IFT80: variants seen among roughly 807,000 people sequenced by gnomAD.
The protein encoded by IFT80 is intraflagellar transport 80.
In IFT80, 79 loss-of-function variants were observed where a neutral mutation model predicts 107.9. The observed-to-expected ratio is 0.73, with a 90% CI of 0.61 to 0.88. The LOEUF is 0.88. Ranked by LOEUF, IFT80 falls within the 40% of genes least tolerant of loss-of-function variation. IFT80 has a pLI of 0.00. For missense variants in IFT80, 797 were observed against 914.2 expected (o/e 0.87, Z 1.65); for synonymous variants, 299 against 300.9 (o/e 0.99, Z 0.07).
intron 13 of IFT80, among the ~76,000 whole-genome samples, chr3:160,285,464 G>T (rs1454487718): frequency 6.6e-6 from 1 of 152,124 alleles, no homozygotes; most frequent in Non-Finnish European, 1.5e-5. Context: ...AAAACTGCAA[G>T]ATACTTAGAA....
intron 12 of IFT80, among the ~76,000 whole-genome samples, chr3:160,294,737 C>CTG (rs1262423465): frequency 6.6e-6 from 1 of 152,188 alleles, no homozygotes; most frequent in East Asian, 1.9e-4. Context: ...ATATTTGTCA[C>CTG]AAACACTTGC....
At position 160,302,147 on chromosome 3, in the gene IFT80, T is replaced by C. The variant is rs575715336; in HGVS notation, c.1152-1101A>G. On this transcript the variant is annotated intron_variant, in intron 11 of 19. Coordinates refer to ENST00000326448, the MANE Select transcript of IFT80 (RefSeq NM_020800.3). ...GACATTATTACTTTTCAAAATCTTA[T>C]GTTTAATGTTTTAAATATCCTTGAT... 3.3e-5 allele frequency among the ~76,000 whole-genome samples: 5 copies of C among 152,168 alleles called. No homozygotes were observed. The East Asian group carries it at 5.8e-4, about 18-fold the overall frequency.
At chr3:160,358,795 CAT>C (rs1721287498) in intron 6 of IFT80, among the ~76,000 whole-genome samples, 2 of 152,128 alleles carry the variant, frequency 1.3e-5, no homozygotes, top group Admixed American at 1.3e-4. Context: ...TATTGTTAAA[CAT>C]ATAATAATTT....
chr3:160,351,572 C>T (rs1720702415), intron 8 of IFT80, among the ~76,000 whole-genome samples: 1 of 140,312 alleles, frequency 7.1e-6, no homozygotes, highest in African/African-American at 2.5e-5. Context: ...TATATATACA[C>T]ACATATATTA....
chr3:160,361,982 AAAACAC>A lies in IFT80; in HGVS notation c.549+4055_549+4060del, dbSNP rs566375696. 1.3e-3 allele frequency among the ~76,000 whole-genome samples: 199 copies of A among 152,172 alleles called. 1 individual carries two copies. Among genetic ancestry groups the A allele is most frequent in the African/African-American group, 4.6e-3 (191 of 41,550 alleles). Reference sequence around the variant, plus strand: ...ATTAAAAGAACTAGAGAAACAAGAGAAAACACATTCAAAAGCTAACAGAAGGCAAGA... The same window carrying A: ...ATTAAAAGAACTAGAGAAACAAGAGAATTCAAAAGCTAACAGAAGGCAAGA... On this transcript the variant is annotated intron_variant, in intron 6 of 19. Transcript: ENST00000326448.
At chr3:160,271,291 G>A (rs1355099999) in intron 18 of IFT80, among the ~76,000 whole-genome samples, 1 of 152,144 alleles carries the variant, frequency 6.6e-6, no homozygotes, top group Non-Finnish European at 1.5e-5. Flanking sequence ...CCAAACAAAT[G>A]TGACATTAGA....
intron 19 of IFT80, among the ~76,000 whole-genome samples, chr3:160,262,908 G>A (rs1320691150): frequency 6.6e-6 from 1 of 152,016 alleles, no homozygotes; most frequent in Non-Finnish European, 1.5e-5. Flanking sequence ...AATTCATATA[G>A]CTTCAACTAT....
rs1339121948 is a variant in IFT80 at position 160,375,891 on chromosome 3, A to G, written c.371-11T>C. ...GTCCATCTTCTCCAACTATACAGGG[A>G]AAAAAAAATTAATCAGTATTTTTAC... On this transcript the variant is annotated splice_polypyrimidine_tract_variant and intron_variant, in intron 4 of 19. Coordinates refer to ENST00000326448, the MANE Select transcript of IFT80 (RefSeq NM_020800.3). 7 of 1,521,530 alleles carry G rather than the reference A, an allele frequency of 4.6e-6. No homozygotes were observed. Among genetic ancestry groups the G allele is most frequent in the Middle Eastern group, 1.7e-4 (1 of 5,778 alleles). The allele number at this position is 1,521,530 out of a possible 1,614,324, so 94.3% of individuals were successfully genotyped here.
At chr3:160,327,020 A>G (rs1297498362) in intron 8 of IFT80, among the ~76,000 whole-genome samples, 1 of 152,108 alleles carries the variant, frequency 6.6e-6, no homozygotes, top group Non-Finnish European at 1.5e-5. Context: ...TAGCATTCCT[A>G]TACACCAACA....
chr3:160,268,030 C>G (rs1031759983), intron 19 of IFT80, among the ~76,000 whole-genome samples: 1 of 152,184 alleles, frequency 6.6e-6, no homozygotes, highest in Non-Finnish European at 1.5e-5. Flanking sequence ...ACCAACTATG[C>G]ATTTTCTGGT....
intron 5 of IFT80, among the ~76,000 whole-genome samples, chr3:160,370,038 A>T (rs1186626715): frequency 1.3e-5 from 2 of 152,124 alleles, no homozygotes; most frequent in East Asian, 3.8e-4. Flanking sequence ...AAGGCATTTT[A>T]AACCACAGAA....
intron 3 of IFT80, among the ~76,000 whole-genome samples, chr3:160,378,482 C>T (rs1369237159): frequency 6.6e-6 from 1 of 152,004 alleles, no homozygotes; most frequent in East Asian, 1.9e-4. Flanking sequence ...ACAGCTAGCA[C>T]TGTTATCTTG....
intron 8 of IFT80, among the ~76,000 whole-genome samples, chr3:160,332,594 G>C (rs1719169172): frequency 6.6e-6 from 1 of 152,206 alleles, no homozygotes; most frequent in African/African-American, 2.4e-5. Flanking sequence ...TCTCAAAATA[G>C]GTGGGTCAAA....
At position 160,364,486 on chromosome 3, in the gene IFT80, G is replaced by A. The variant is rs578245228; in HGVS notation, c.549+1557C>T. Among the ~76,000 whole-genome samples the A allele has an allele frequency of 7.9e-5, 12 of 152,284 alleles. No homozygotes were observed. The East Asian group carries it at 2.3e-3, about 29-fold the overall frequency. ...AGAACTAGAAATACCATTTGACCCAGCCATCCCATTACTGGGTATATACCC... is the reference window on the plus strand; with the variant it reads ...AGAACTAGAAATACCATTTGACCCAACCATCCCATTACTGGGTATATACCC... On this transcript the variant is annotated intron_variant, in intron 6 of 19. Coordinates refer to ENST00000326448, the MANE Select transcript of IFT80 (RefSeq NM_020800.3).
At chr3:160,266,560 T>A (rs1156451444) in intron 19 of IFT80, among the ~76,000 whole-genome samples, 2 of 152,010 alleles carry the variant, frequency 1.3e-5, no homozygotes, top group African/African-American at 2.4e-5. Flanking sequence ...ATTTTTAAAT[T>A]TTTTGTACAG....
At chr3:160,398,679 G>A (rs574884831) in intron 1 of IFT80, among the ~76,000 whole-genome samples, 2 of 152,196 alleles carry the variant, frequency 1.3e-5, no homozygotes, top group East Asian at 3.9e-4. Flanking sequence ...TAAGTTCTCG[G>A]GGAACAGGAA....
chr3:160,263,092 A>G (rs894249150), intron 19 of IFT80, among the ~76,000 whole-genome samples: 2 of 152,144 alleles, frequency 1.3e-5, no homozygotes, highest in Non-Finnish European at 2.9e-5. Flanking sequence ...TCAAACTCAA[A>G]GGTCCAAAAT....
chr3:160,313,099 A>T (rs1717536553), intron 9 of IFT80, among the ~76,000 whole-genome samples: 1 of 114,550 alleles, frequency 8.7e-6, no homozygotes, highest in Non-Finnish European at 1.7e-5. Context: ...TATTTTATAT[A>T]TATTTTTTAT....
chr3:160,356,374 T>C (rs895830729), intron 7 of IFT80, among the ~76,000 whole-genome samples: 2 of 152,308 alleles, frequency 1.3e-5, no homozygotes, highest in Admixed American at 1.3e-4. Context: ...GCTGTATTCC[T>C]TTAAGCCTAA....
Sources: allele counts gnomAD v4.1 joint callset (sites outside exome capture counted in the v4.1 genomes callset), GRCh38; gene constraint gnomAD v4.1.1; transcripts MANE v1.5; gene names NCBI Gene and HGNC (gene_info 2026-07-23, HGNC 2026-07-21).